Variants in EVL observed in about 807,000 individuals in gnomAD.
EVL encodes the protein Enah/Vasp-like.
Under a neutral mutation model 59.6 loss-of-function variants are expected in EVL, and 21 were observed. The ratio of observed to expected loss-of-function variants is 0.35; its 90% CI spans 0.25 to 0.51. EVL has a LOEUF of 0.51. Ranked by LOEUF, EVL falls within the 20% of genes least tolerant of loss-of-function variation. The probability of loss-of-function intolerance (pLI) is 0.97; values close to 1 mark genes in which losing one functional copy is unlikely to be tolerated. For missense variants in EVL, 462 were observed against 546.6 expected (o/e 0.85, Z 1.54); for synonymous variants, 198 against 203.5 (o/e 0.97, Z 0.23).
At position 100,130,504 on chromosome 14, in the gene EVL, G is replaced by A. The variant is rs1259361322; in HGVS notation, c.839+820G>A. Among the ~76,000 whole-genome samples the A allele has an allele frequency of 6.6e-6, 1 of 152,190 alleles. No individual in the cohort carries two copies. Among genetic ancestry groups the A allele is most frequent in the Admixed American group, 6.5e-5 (1 of 15,278 alleles). ...CTGCAGCGGGGGCCCTGCTCCCTTG[G>A]TAACCCCACCTCCACCCCCTGCCAC... On this transcript the variant is annotated intron_variant, in intron 7 of 13. Transcript: ENST00000392920. This position sits in a 1 kb window ranked among gnomAD's most constrained non-coding sequence, Gnocchi z 4.8.
chr14:100,073,161 T>C (rs554453130), intron 1 of EVL, among the ~76,000 whole-genome samples: 2 of 151,722 alleles, frequency 1.3e-5, no homozygotes, highest in African/African-American at 4.8e-5. Flanking sequence ...CACCCACCAC[T>C]CTGCCTTTGC....
chr14:100,082,835 C>T (rs1200149497), intron 1 of EVL, among the ~76,000 whole-genome samples: 3 of 152,212 alleles, frequency 2.0e-5, no homozygotes, highest in Non-Finnish European at 4.4e-5. Flanking sequence ...TGTCCCCAAA[C>T]CAAGGCTTCC....
chr14:100,131,004 G>A (rs1420103250), intron 7 of EVL, among the ~76,000 whole-genome samples: 1 of 152,192 alleles, frequency 6.6e-6, no homozygotes, highest in East Asian at 1.9e-4. Context: ...AGGACGTCCC[G>A]TGCTGTAAGA....
intron 3 of EVL, among the ~76,000 whole-genome samples, chr14:100,120,516 A>G (rs964315486): frequency 3.3e-5 from 5 of 152,164 alleles, no homozygotes; most frequent in African/African-American, 1.2e-4. Flanking sequence ...GAGCATGAGG[A>G]CCTGGGGAGG....
At chr14:100,007,162 G>C (rs766783836) in intron 1 of EVL, among the ~76,000 whole-genome samples, 1 of 151,946 alleles carries the variant, frequency 6.6e-6, no homozygotes, top group Non-Finnish European at 1.5e-5. Flanking sequence ...GGCACAGTTT[G>C]GTTTTGTACA....
intron 1 of EVL, among the ~76,000 whole-genome samples, chr14:99,999,849 CAG>C (rs752585006): frequency 4.6e-5 from 7 of 152,190 alleles, no homozygotes; most frequent in African/African-American, 7.2e-5. Context: ...CAGATGCCCT[CAG>C]GGCAAAAGGG....
intron 1 of EVL, among the ~76,000 whole-genome samples, chr14:99,995,415 G>C (rs2060906934): frequency 6.6e-6 from 1 of 151,956 alleles, no homozygotes; most frequent in Non-Finnish European, 1.5e-5. Flanking sequence ...AAGTGCTTTT[G>C]AACCCCTCTA....
intron 1 of EVL, among the ~76,000 whole-genome samples, chr14:99,998,967 A>G (rs1007061639): frequency 2.0e-5 from 3 of 152,094 alleles, no homozygotes; most frequent in African/African-American, 7.2e-5. Context: ...AAGTGAGAAT[A>G]TACTGTCTAT....
At chr14:100,101,872 T>C (rs904762265) in intron 3 of EVL, among the ~76,000 whole-genome samples, 1 of 152,184 alleles carries the variant, frequency 6.6e-6, no homozygotes, top group African/African-American at 2.4e-5. Flanking sequence ...GGAGTCTCGC[T>C]CTGTCACTCA....
chr14:99,990,894 T>TAG (rs1003654890), intron 1 of EVL, among the ~76,000 whole-genome samples: 1 of 152,090 alleles, frequency 6.6e-6, no homozygotes, highest in Non-Finnish European at 1.5e-5. Flanking sequence ...GATATATATA[T>TAG]AGAGAGAGAG....
intron 1 of EVL, among the ~76,000 whole-genome samples, chr14:99,997,861 A>T (rs1230552373): frequency 6.6e-6 from 1 of 152,118 alleles, no homozygotes; most frequent in Admixed American, 6.5e-5. Context: ...TACTCTATAC[A>T]GTTCCCTTTC....
At chr14:100,027,569 CA>C (rs2140211903) in intron 1 of EVL, among the ~76,000 whole-genome samples, 1 of 152,294 alleles carries the variant, frequency 6.6e-6, no homozygotes, top group African/African-American at 2.4e-5. Context: ...TAGGTTGCTG[CA>C]AATGACAGAA....
chr14:100,067,927 AGGT>A (rs1307142101), intron 1 of EVL, among the ~76,000 whole-genome samples: 1 of 152,152 alleles, frequency 6.6e-6, no homozygotes, highest in African/African-American at 2.4e-5. Flanking sequence ...GTGGGATCTC[AGGT>A]GAACTTTGAA....
intron 3 of EVL, chr14:100,106,708 G>A (rs1289522764): frequency 2.5e-6 from 1 of 397,652 alleles, no homozygotes; most frequent in Admixed American, 4.4e-5. Flanking sequence ...CATCGGGCCT[G>A]AGAGGGTTGA....
intron 2 of EVL, among the ~76,000 whole-genome samples, chr14:100,094,982 A>G (rs1406720209): frequency 6.6e-6 from 1 of 152,148 alleles, no homozygotes; most frequent in Non-Finnish European, 1.5e-5. Flanking sequence ...TGGAGGTTGC[A>G]GTGAGCCAAG....
At chr14:100,117,512 G>A (rs555001095) in intron 3 of EVL, among the ~76,000 whole-genome samples, 1 of 152,324 alleles carries the variant, frequency 6.6e-6, no homozygotes, top group Admixed American at 6.5e-5. Context: ...GGGCTTTAGA[G>A]TCCTCTCTTT....
intron 3 of EVL, among the ~76,000 whole-genome samples, chr14:100,110,030 A>C (rs1206484721): frequency 1.3e-5 from 2 of 152,244 alleles, no homozygotes; most frequent in Non-Finnish European, 2.9e-5. Context: ...TGTCACCTCT[A>C]AATTACTATA....
chr14:99,988,143 C>T (rs1319209720), intron 1 of EVL, among the ~76,000 whole-genome samples: 3 of 151,736 alleles, frequency 2.0e-5, no homozygotes, highest in Admixed American at 6.6e-5. Context: ...CCCAAACTCC[C>T]GACTTCAGGT....
At chr14:99,993,354 G>A (rs535016043) in intron 1 of EVL, among the ~76,000 whole-genome samples, 25 of 152,056 alleles carry the variant, frequency 1.6e-4, no homozygotes, top group African/African-American at 5.5e-4. Flanking sequence ...CACCGCGCCC[G>A]GTCGTTTAAT....
Sources: allele counts gnomAD v4.1 joint callset (sites outside exome capture counted in the v4.1 genomes callset), GRCh38; gene constraint gnomAD v4.1.1; non-coding constraint Gnocchi (gnomAD v3.1); transcripts MANE v1.5; gene names NCBI Gene and HGNC (gene_info 2026-07-23, HGNC 2026-07-21).